The following NEGR1 variants were observed in gnomAD, a reference collection of about 807,000 sequenced individuals.
NEGR1 encodes the protein IgLON family member 4.
Under a neutral mutation model 40.9 loss-of-function variants are expected in NEGR1, and 10 were observed. That is an observed-to-expected ratio of 0.24 (90% CI 0.15 to 0.42). NEGR1 has a LOEUF of 0.42. Among genes scored for constraint, NEGR1 ranks in the 10% least tolerant of loss-of-function variants. The pLI is 1.00. For synonymous variants in NEGR1, 185 were observed against 166.8 expected, an observed-to-expected ratio of 1.11 and a Z score of -0.84; for missense variants, 352 against 438.9, an observed-to-expected ratio of 0.80 and a Z score of 1.77.
chr1:72,025,649 C>G (rs999569061), intron 1 of NEGR1, among the ~76,000 whole-genome samples: 1 of 152,108 alleles, frequency 6.6e-6, no homozygotes, highest in African/African-American at 2.4e-5. Context: ...GAAAATAAAG[C>G]AGAGTTTTAA....
chr1:72,157,834 A>G (rs565141671), intron 1 of NEGR1, among the ~76,000 whole-genome samples: 1 of 152,294 alleles, frequency 6.6e-6, no homozygotes, highest in African/African-American at 2.4e-5. Context: ...ACAGGCCAAG[A>G]ACACAAGTCA....
At chr1:71,858,066 C>T (rs552585498) in intron 2 of NEGR1, among the ~76,000 whole-genome samples, 92 of 152,056 alleles carry the variant, frequency 6.1e-4, no homozygotes, top group South Asian at 6.0e-3. Context: ...CCCTAATTTC[C>T]ATTTTCCTAA....
chr1:71,454,340 TATTTA>T (rs1385313913), intron 6 of NEGR1, among the ~76,000 whole-genome samples: 4 of 152,072 alleles, frequency 2.6e-5, no homozygotes, highest in African/African-American at 9.7e-5. Flanking sequence ...TTTTTTTTTC[TATTTA>T]ATTTAATTCT....
At chr1:71,631,420 C>T (rs1264996453) in intron 4 of NEGR1, among the ~76,000 whole-genome samples, 4 of 151,720 alleles carry the variant, frequency 2.6e-5, no homozygotes, top group African/African-American at 9.7e-5. Context: ...TAAAATAATT[C>T]TCACATTTTG....
At chr1:71,489,137 A>T (rs1646907910) in intron 6 of NEGR1, among the ~76,000 whole-genome samples, 1 of 151,774 alleles carries the variant, frequency 6.6e-6, no homozygotes, top group Non-Finnish European at 1.5e-5. Context: ...AGATTCTACC[A>T]TGTAAGCCAA....
chr1:71,854,137 C>T (rs1375312070), intron 2 of NEGR1, among the ~76,000 whole-genome samples: 1 of 152,104 alleles, frequency 6.6e-6, no homozygotes, highest in Non-Finnish European at 1.5e-5. Flanking sequence ...TATACCTTGT[C>T]AACCAGGCAA....
At chr1:72,178,237 G>A (rs955091074) in intron 1 of NEGR1, among the ~76,000 whole-genome samples, 1 of 151,830 alleles carries the variant, frequency 6.6e-6, no homozygotes, top group Admixed American at 6.6e-5. Flanking sequence ...TTTATTGACA[G>A]TTAATTATAA....
intron 1 of NEGR1, among the ~76,000 whole-genome samples, chr1:71,991,576 C>G (rs753441601): frequency 2.0e-5 from 3 of 152,118 alleles, no homozygotes; most frequent in Admixed American, 2.0e-4. Flanking sequence ...TGGAAAGACT[C>G]GTGATCTCTG....
At chr1:71,499,158 C>G (rs1227415144) in intron 6 of NEGR1, among the ~76,000 whole-genome samples, 1 of 152,114 alleles carries the variant, frequency 6.6e-6, no homozygotes, top group Non-Finnish European at 1.5e-5. Context: ...CATTAGGTGT[C>G]TAACAGAATG....
In NEGR1 at chr1:72,080,740, T is replaced by C. The variant is rs185697048; in HGVS notation, c.177-145429A>G. ...AAAAATTATAAGAGAAACCACCTCA[T>C]AGGGTTGTTGGAAGCTTTCAATGAG... On this transcript the variant is annotated intron_variant, in intron 1 of 6. Coordinates refer to ENST00000357731, the MANE Select transcript of NEGR1 (RefSeq NM_173808.3). Among the ~76,000 whole-genome samples the C allele has an allele frequency of 5.9e-5, 9 of 152,184 alleles. No homozygotes were observed. The East Asian group carries it at 1.7e-3, about 29-fold the overall frequency.
chr1:71,917,364 AT>A (rs2101879121), intron 2 of NEGR1, among the ~76,000 whole-genome samples: 1 of 152,328 alleles, frequency 6.6e-6, no homozygotes, highest in African/African-American at 2.4e-5. Flanking sequence ...TTTCTATTTG[AT>A]TAACTCCATA....
intron 5 of NEGR1, among the ~76,000 whole-genome samples, chr1:71,606,933 G>C (rs1016764236): frequency 6.6e-6 from 1 of 152,044 alleles, no homozygotes; most frequent in African/African-American, 2.4e-5. Context: ...CCTGTTTTTT[G>C]TTTGTGTTTA....
At chr1:71,505,287 CTTTT>C (rs550211034) in intron 6 of NEGR1, among the ~76,000 whole-genome samples, 3 of 150,810 alleles carry the variant, frequency 2.0e-5, no homozygotes, top group Admixed American at 2.0e-4. Context: ...GTTTCTTTTT[CTTTT>C]TTTTTCTTTT....
At chr1:71,830,901 T>C (rs1658817051) in intron 2 of NEGR1, among the ~76,000 whole-genome samples, 1 of 151,812 alleles carries the variant, frequency 6.6e-6, no homozygotes, top group Non-Finnish European at 1.5e-5. Context: ...CACAATTATA[T>C]AAGCCAAATT....
At chr1:72,105,056 A>G (rs1457293894) in intron 1 of NEGR1, among the ~76,000 whole-genome samples, 1 of 152,138 alleles carries the variant, frequency 6.6e-6, no homozygotes, top group Non-Finnish European at 1.5e-5. Context: ...TAAATTCACA[A>G]TAACGAGACA....
At chr1:71,498,231 T>A (rs1342913480) in intron 6 of NEGR1, among the ~76,000 whole-genome samples, 1 of 151,554 alleles carries the variant, frequency 6.6e-6, no homozygotes, top group Non-Finnish European at 1.5e-5. Context: ...ATTAAAGTGA[T>A]AATATTGTAA....
intron 1 of NEGR1, among the ~76,000 whole-genome samples, chr1:72,260,682 T>C (rs1271777919): frequency 2.0e-5 from 3 of 152,174 alleles, no homozygotes; most frequent in East Asian, 1.9e-4. Flanking sequence ...ATGAATGAAA[T>C]ACAAATTTTC....
chr1:71,475,442 A>C (rs1646813148), intron 6 of NEGR1, among the ~76,000 whole-genome samples: 1 of 152,068 alleles, frequency 6.6e-6, no homozygotes, highest in South Asian at 2.1e-4. Context: ...TTAATCTGAG[A>C]TTTTTGTGAT....
intron 1 of NEGR1, among the ~76,000 whole-genome samples, chr1:72,178,875 C>T (rs1652265517): frequency 6.6e-6 from 1 of 151,616 alleles, no homozygotes; most frequent in Non-Finnish European, 1.5e-5. Context: ...TGTTCATGCC[C>T]TTTGCTCATT....
Sources: gnomAD v4.1 joint callset for allele counts (sites outside exome capture counted in the v4.1 genomes callset) on GRCh38, gnomAD v4.1.1 for gene constraint, MANE v1.5 for transcripts, NCBI Gene and HGNC (gene_info 2026-07-23, HGNC 2026-07-21) for gene names.